The following FHIT variants were observed in gnomAD, a reference collection of about 807,000 sequenced individuals.
FHIT encodes the protein bis(5'-adenosyl)-triphosphatase.
In FHIT, 19 loss-of-function variants were observed where a neutral mutation model predicts 17.9. The ratio of observed to expected loss-of-function variants is 1.06; its 90% CI spans 0.74 to 1.56. The LOEUF (loss-of-function observed/expected upper bound fraction) is 1.56. Among genes scored for constraint, FHIT ranks in the 40% most tolerant of loss-of-function variants. The pLI is 0.00. For missense variants in FHIT, 248 were observed against 189.2 expected, an observed-to-expected ratio of 1.31 and a Z score of -1.82; for synonymous variants, 81 against 69.7, an observed-to-expected ratio of 1.16 and a Z score of -0.81.
chr3:60,497,722 G>T (rs982150046), intron 5 of FHIT, among the ~76,000 whole-genome samples: 2 of 152,064 alleles, frequency 1.3e-5, no homozygotes, highest in Admixed American at 6.6e-5. Flanking sequence ...TCCTTTCCTG[G>T]TTATATAGCA....
At chr3:60,087,437 C>T (rs1268596887) in intron 5 of FHIT, among the ~76,000 whole-genome samples, 1 of 152,200 alleles carries the variant, frequency 6.6e-6, no homozygotes, top group Non-Finnish European at 1.5e-5. Flanking sequence ...TCCTTTCCCA[C>T]CAAATGGCCA....
chr3:60,281,808 C>CA (rs558549546), intron 5 of FHIT, among the ~76,000 whole-genome samples: 7 of 151,620 alleles, frequency 4.6e-5, no homozygotes, highest in Non-Finnish European at 7.4e-5. Context: ...AAATTATCTA[C>CA]AAAAAAAATT....
intron 5 of FHIT, among the ~76,000 whole-genome samples, chr3:60,287,271 C>G (rs530868119): frequency 1.3e-3 from 201 of 152,244 alleles, no homozygotes; most frequent in African/African-American, 4.6e-3. Context: ...CAGGTTCAAG[C>G]AATTCTCCTG....
At chr3:61,200,086 G>T (rs1051817372) in intron 2 of FHIT, among the ~76,000 whole-genome samples, 1 of 152,160 alleles carries the variant, frequency 6.6e-6, no homozygotes, top group Admixed American at 6.5e-5. Context: ...TTCATTTCCT[G>T]TAATTCATTT....
chr3:60,653,044 C>T (rs1553688725), intron 4 of FHIT, among the ~76,000 whole-genome samples: 1 of 152,212 alleles, frequency 6.6e-6, no homozygotes, highest in African/African-American at 2.4e-5. Flanking sequence ...CAAGACCCAC[C>T]CACTTAAAAA....
intron 4 of FHIT, among the ~76,000 whole-genome samples, chr3:60,625,425 C>T (rs1481355116): frequency 6.6e-6 from 1 of 152,064 alleles, no homozygotes; most frequent in Non-Finnish European, 1.5e-5. Flanking sequence ...GTTCAAGTTC[C>T]TCTATGTCTT....
chr3:61,183,685 A>T (rs2038413986), intron 2 of FHIT, among the ~76,000 whole-genome samples: 1 of 152,236 alleles, frequency 6.6e-6, no homozygotes, highest in Admixed American at 6.5e-5. Flanking sequence ...ATCAAAAGCC[A>T]AAAAGCCAGC....
At chr3:60,354,076 G>C (rs1310020767) in intron 5 of FHIT, among the ~76,000 whole-genome samples, 9 of 151,968 alleles carry the variant, frequency 5.9e-5, no homozygotes, top group Admixed American at 2.0e-4. Context: ...TAAAAAAGTG[G>C]CAATATAAAA....
chr3:60,649,970 C>T (rs922154581), intron 4 of FHIT, among the ~76,000 whole-genome samples: 4 of 152,110 alleles, frequency 2.6e-5, no homozygotes, highest in African/African-American at 7.2e-5. Flanking sequence ...CACAAAATTC[C>T]GCCAACTGGG....
At chr3:60,628,607 T>C (rs2039357039) in intron 4 of FHIT, among the ~76,000 whole-genome samples, 2 of 152,206 alleles carry the variant, frequency 1.3e-5, no homozygotes, top group Non-Finnish European at 2.9e-5. Context: ...TTTTCGTTAC[T>C]CCAGGAGGGC....
At chr3:60,308,192 C>T (rs1048228788) in intron 5 of FHIT, among the ~76,000 whole-genome samples, 3 of 152,084 alleles carry the variant, frequency 2.0e-5, no homozygotes, top group Non-Finnish European at 4.4e-5. Context: ...TTACTATAAC[C>T]TTGGCCAAGT....
intron 8 of FHIT, among the ~76,000 whole-genome samples, chr3:59,852,989 C>A (rs1702002676): frequency 6.6e-6 from 1 of 152,120 alleles, no homozygotes; most frequent in African/African-American, 2.4e-5. Context: ...TATGAACATT[C>A]ATGTGTAGAT....
chr3:61,242,961 T>C (rs773684119), intron 1 of FHIT, among the ~76,000 whole-genome samples: 39 of 152,186 alleles, frequency 2.6e-4, no homozygotes, highest in Non-Finnish European at 5.1e-4. Flanking sequence ...TGGCCTCTAG[T>C]TGCATGACTC....
At chr3:59,780,335 TGAA>T (rs1396740023) in intron 8 of FHIT, among the ~76,000 whole-genome samples, 1 of 152,214 alleles carries the variant, frequency 6.6e-6, no homozygotes, top group African/African-American at 2.4e-5. Context: ...TTGTTACAGA[TGAA>T]GAAGTAGAAT....
chr3:60,726,482 G>A (rs1213307580), intron 4 of FHIT, among the ~76,000 whole-genome samples: 2 of 152,098 alleles, frequency 1.3e-5, no homozygotes, highest in African/African-American at 4.8e-5. Context: ...CTTGATCTTG[G>A]GAGTGTTTTC....
intron 5 of FHIT, among the ~76,000 whole-genome samples, chr3:60,276,840 C>A (rs535834983): frequency 6.6e-6 from 1 of 152,172 alleles, no homozygotes; most frequent in East Asian, 1.9e-4. Flanking sequence ...GAAGTCCCAG[C>A]CTCTTTTAAA....
chr3:60,327,866 G>A (rs1394099763), intron 5 of FHIT, among the ~76,000 whole-genome samples: 1 of 152,082 alleles, frequency 6.6e-6, no homozygotes, highest in Admixed American at 6.5e-5. Context: ...TTAATGGAGG[G>A]GCTGGCAGGC....
chr3:59,844,680 A>G (rs1382657269), intron 8 of FHIT, among the ~76,000 whole-genome samples: 3 of 152,166 alleles, frequency 2.0e-5, no homozygotes, highest in African/African-American at 4.8e-5. Flanking sequence ...TCGCTTGGTC[A>G]TGATGTATAA....
In FHIT at chr3:59,748,102, G is replaced by A. The variant is rs1700700596; in HGVS notation, c.*1483C>T. ...ATCTCACTCCTAGTTGCTAAGGCAA[G>A]CAACTATGCAGAGCTGGAAATCATC... On this transcript the variant is annotated 3_prime_UTR_variant, in exon 10 of 10. Transcript: ENST00000492590. 6.6e-6 allele frequency among the ~76,000 whole-genome samples: 1 copy of A among 152,114 alleles called. No individual in the cohort carries two copies. The highest frequency in any genetic ancestry group is 2.4e-5 in the African/African-American group (1 of 41,414).
Sources: gnomAD v4.1 joint callset for allele counts (sites outside exome capture counted in the v4.1 genomes callset) on GRCh38, gnomAD v4.1.1 for gene constraint, MANE v1.5 for transcripts, NCBI Gene and HGNC (gene_info 2026-07-23, HGNC 2026-07-21) for gene names.